The following MYRF variants were observed in gnomAD, a reference collection of about 807,000 sequenced individuals.
MYRF encodes the protein myelin regulatory factor, also known as myelin gene regulatory factor.
MYRF carries 16 observed loss-of-function variants against 126.3 expected under a neutral mutation model. The observed-to-expected ratio is 0.13, with a 90% CI of 0.09 to 0.19. MYRF has a LOEUF of 0.19. Among genes scored for constraint, MYRF ranks in the 10% least tolerant of loss-of-function variants. The pLI is 1.00. For missense variants in MYRF, 1,104 were observed against 1,547.0 expected (o/e 0.71, Z 4.80); for synonymous variants, 608 against 635.3 (o/e 0.96, Z 0.65).
Position 61,788,194 on chromosome 11 carries a change from C to T in MYRF, c.*2051C>T. On this transcript the variant is annotated 3_prime_UTR_variant, in exon 27 of 27. Coordinates refer to ENST00000278836, the MANE Select transcript of MYRF (RefSeq NM_001127392.3). ...TCCAGCAGGTCATCCCTCCCTTCTT[C>T]TCTCTCCTTTGGCGTTTGTTCCTGT... 6.5e-6 allele frequency: 1 copy of T among 152,842 alleles called. No homozygotes were observed. Among genetic ancestry groups the T allele is most frequent in the East Asian group, 1.9e-4 (1 of 5,332 alleles). 9.5% of individuals were successfully genotyped at this position (152,842 alleles called of 1,614,324 possible).
chr11:61,778,350 A>G lies in MYRF; in HGVS notation c.1904-30A>G. 2 of 1,348,566 alleles carry G rather than the reference A, an allele frequency of 1.5e-6. No homozygotes were observed. Among genetic ancestry groups the G allele is most frequent in the Non-Finnish European group, 2.1e-6 (2 of 939,044 alleles). 83.5% of individuals were successfully genotyped at this position (1,348,566 alleles called of 1,614,324 possible). ...GTGAGTAGCCCTTTACCACCCCCCC[A>G]CCCATCTTTGGCTTGTCCCCTGCCC... is the stretch of plus-strand genomic sequence containing the variant. On this transcript the variant is annotated intron_variant, in intron 13 of 26. Coordinates refer to ENST00000278836, the MANE Select transcript of MYRF (RefSeq NM_001127392.3). This position sits in a 1 kb window ranked among gnomAD's most constrained non-coding sequence, Gnocchi z 4.6.
chr11:61,762,573 C>T (rs759549320), intron 1 of MYRF, among the ~76,000 whole-genome samples: 2 of 152,180 alleles, frequency 1.3e-5, no homozygotes, highest in Non-Finnish European at 2.9e-5. Flanking sequence ...GAGAGTGTGC[C>T]CATGGGACCC....
rs1038799323 is a variant in MYRF at position 61,761,928 on chromosome 11, G to A, written c.47-3697G>A. Among the ~76,000 whole-genome samples, 7 of 152,278 alleles carry A rather than the reference G, an allele frequency of 4.6e-5. No homozygotes were observed. The East Asian group carries it at 9.6e-4, about 21-fold the overall frequency. On this transcript the variant is annotated intron_variant, in intron 1 of 26. Transcript: ENST00000278836. The stretch of plus-strand genomic sequence containing the variant: ...GGCGAGTGAGCTGTGGGTGGTGGGC[G>A]GGTGGTGGACAGACACTCATCCTGC...
chr11:61,765,874 A>G (rs916596278), intron 2 of MYRF, 84 bp from the exon 3 acceptor site: 2 of 1,451,626 alleles, frequency 1.4e-6, no homozygotes, highest in Non-Finnish European at 1.8e-6. Flanking sequence ...CGAAATCTCC[A>G]TAGTTCCCTG....
Position 61,771,519 on chromosome 11 carries a change from A to G in MYRF, c.760A>G (p.Lys254Glu). The part of the protein sequence containing the change: ...HGAELPTHPS[K>E]KRKHSESPPS... ...CCCCAGGCTCCCTACACACCCCTCC[A>G]AGAAGAGGAAGCACTCTGAATCCCC... Residue 254 changes from lysine to glutamate, a missense_variant, in exon 6 of 27, where the codon AAG becomes GAG. Physicochemically the swap from Lys to Glu is moderately conservative, Grantham distance 56. This residue lies in a region of MYRF where 368 missense variants were observed against 403.9 expected (regional missense o/e 0.91). Transcript: ENST00000278836. 6.2e-7 allele frequency: 1 copy of G among 1,613,526 alleles called. No homozygotes were observed. The highest frequency in any genetic ancestry group is 8.5e-7 in the Non-Finnish European group (1 of 1,179,742).
intron 22 of MYRF, chr11:61,782,031 ATTG>A (rs770149260): frequency 3.7e-5 from 20 of 539,660 alleles, no homozygotes; most frequent in African/African-American, 5.8e-5. Context: ...CAAGAAAGGA[ATTG>A]TTGTTCCTAT....
intron 7 of MYRF, among the ~76,000 whole-genome samples, chr11:61,773,277 C>T (rs892436013): frequency 1.3e-5 from 2 of 152,150 alleles, no homozygotes; most frequent in Non-Finnish European, 1.5e-5. Flanking sequence ...CGTGAGCCAC[C>T]GCACCTGGCC....
rs772197423 is a variant in MYRF at position 61,766,172 on chromosome 11, G to A, written c.349G>A (p.Gly117Ser). 1.9e-6 allele frequency: 3 copies of A among 1,611,946 alleles called. No homozygotes were observed. The East Asian group carries it at 6.7e-5, about 36-fold the overall frequency. Residue 117 changes from glycine (G) to serine (S), a missense_variant, in exon 3 of 27, where the codon GGC becomes AGC. Physicochemically the swap from Gly to Ser is moderately conservative, Grantham distance 56. Coordinates refer to ENST00000278836, the MANE Select transcript of MYRF (RefSeq NM_001127392.3). Reference sequence around the variant, plus strand: ...CGCTGCCCCCAAGCCCTTCCCGGGGGGCACCGGGCCCCCCATCAAGGCTGA... The same window carrying A: ...CGCTGCCCCCAAGCCCTTCCCGGGGAGCACCGGGCCCCCCATCAAGGCTGA... ...MGAAPKPFPG[G>S]TGPPIKAEPK...
At chr11:61,780,936 G>A (rs1258837730) in intron 19 of MYRF, 24 bp from the exon 20 acceptor site, 2 of 1,608,196 alleles carry the variant, frequency 1.2e-6, no homozygotes, top group Non-Finnish European at 1.7e-6. Context: ...GCCCCTCTGA[G>A]CTCAGCCCAT....
chr11:61,760,613 A>G (rs992363373), intron 1 of MYRF, among the ~76,000 whole-genome samples: 4 of 152,072 alleles, frequency 2.6e-5, no homozygotes, highest in African/African-American at 9.7e-5. Flanking sequence ...GGGAGAGGGG[A>G]CAGCCTGGGC....
Position 61,778,589 on chromosome 11 carries a change from A to C in MYRF, c.2013+100A>C. On this transcript the variant is annotated intron_variant, in intron 14 of 26. Transcript: ENST00000278836. The surrounding 1 kb of genome is among the most constrained non-coding windows in gnomAD (Gnocchi z 4.6). ...AGATACTGGGGGCACTGCAAAGCAG[A>C]GGCAGGAGCACCCTCGGCTCTCATG... 1 of 874,124 alleles carries C rather than the reference A, an allele frequency of 1.1e-6. No individual in the cohort carries two copies. Among genetic ancestry groups the C allele is most frequent in the Non-Finnish European group, 1.9e-6 (1 of 519,372 alleles). The allele number at this position is 874,124 out of a possible 1,614,324, so 54.1% of individuals were successfully genotyped here. A position where few individuals can be genotyped will look rare whatever the true frequency, so the allele number is the denominator to read the frequency against.
intron 1 of MYRF, chr11:61,755,617 T>A: frequency 1.2e-6 from 1 of 806,410 alleles, no homozygotes; most frequent in Non-Finnish European, 2.1e-6. Context: ...TTGCCCTCTT[T>A]AAGTCCTTTT....
Position 61,776,526 on chromosome 11 carries a change from C to T in MYRF, c.1499+94C>T, listed in dbSNP as rs368504900. 8.2e-3 allele frequency: 8,648 copies of T among 1,050,646 alleles called. 603 individuals are homozygous for T. In the South Asian group the frequency reaches 0.12, roughly 15 times the overall value. The allele number at this position is 1,050,646 out of a possible 1,614,324, so 65.1% of individuals were successfully genotyped here. On this transcript the variant is annotated intron_variant, in intron 10 of 26. Coordinates refer to ENST00000278836, the MANE Select transcript of MYRF (RefSeq NM_001127392.3). The surrounding 1 kb of genome is among the most constrained non-coding windows in gnomAD (Gnocchi z 4.3). ...CACACCAGGCACAGAGTCCTACAGG[C>T]TGAGCCATTTCACAGATGAGAGACC...
At position 61,780,705 on chromosome 11, in the gene MYRF, C is replaced by G. The variant is rs1314637400; in HGVS notation, c.2406-7C>G. ...GTCTCACCCTTTGCCTTTTTGCTGC[C>G]CCTTAGCTCTTTTGCCGTGTCCACT... On this transcript the variant is annotated splice_polypyrimidine_tract_variant and splice_region_variant and intron_variant, in intron 18 of 26. Transcript: ENST00000278836. 2.6e-6 allele frequency: 4 copies of G among 1,550,128 alleles called. No homozygotes were observed. The South Asian group carries it at 4.8e-5, about 18-fold the overall frequency.
intron 1 of MYRF, 91 bp downstream of exon 1, chr11:61,752,881 C>T (rs2065644351): frequency 2.4e-6 from 3 of 1,266,672 alleles, no homozygotes; most frequent in Admixed American, 3.3e-5. Context: ...GCTGTGTTTC[C>T]GCCTCCTCTG....
At position 61,777,699 on chromosome 11, in the gene MYRF, A is replaced by C. The variant is rs769624060; in HGVS notation, c.1792-35A>C. ...CCGGGGCCTGCTCCGGGACGGCCGC[A>C]GGAGGGGTTCATTCCCGGGCCTGGC... On this transcript the variant is annotated intron_variant, in intron 12 of 26. Coordinates refer to ENST00000278836, the MANE Select transcript of MYRF (RefSeq NM_001127392.3). The surrounding 1 kb of genome is among the most constrained non-coding windows in gnomAD (Gnocchi z 8.8). The C allele has an allele frequency of 6.5e-7, 1 of 1,537,310 alleles. No individual in the cohort carries two copies. Among genetic ancestry groups the C allele is most frequent in the South Asian group, 1.2e-5 (1 of 83,606 alleles).
intron 1 of MYRF, among the ~76,000 whole-genome samples, chr11:61,762,139 A>AT (rs1224502290): frequency 1.3e-5 from 2 of 152,164 alleles, no homozygotes; most frequent in Non-Finnish European, 2.9e-5. Flanking sequence ...ATGGAATGGC[A>AT]TGTGTGAAGG....
chr11:61,781,479 A>G, intron 21 of MYRF, 94 bp from the exon 22 acceptor site: 5 of 1,547,180 alleles, frequency 3.2e-6, no homozygotes, highest in Non-Finnish European at 4.4e-6. Flanking sequence ...CAAGAGACAC[A>G]TGGGGTTCAC....
Position 61,777,692 on chromosome 11 carries a change from C to T in MYRF, c.1792-42C>T. The T allele has an allele frequency of 6.5e-7, 1 of 1,527,862 alleles. No homozygotes were observed. The highest frequency in any genetic ancestry group is 8.9e-7 in the Non-Finnish European group (1 of 1,127,910). The allele number at this position is 1,527,862 out of a possible 1,614,324, so 94.6% of individuals were successfully genotyped here. ...CTGGGCTCCGGGGCCTGCTCCGGGA[C>T]GGCCGCAGGAGGGGTTCATTCCCGG... is the stretch of plus-strand genomic sequence containing the variant. On this transcript the variant is annotated intron_variant, in intron 12 of 26. Transcript: ENST00000278836. This position sits in a 1 kb window ranked among gnomAD's most constrained non-coding sequence, Gnocchi z 8.8.
Sources: allele counts gnomAD v4.1 joint callset (sites outside exome capture counted in the v4.1 genomes callset), GRCh38; gene constraint gnomAD v4.1.1; regional missense constraint gnomAD v4.1.1; non-coding constraint Gnocchi (gnomAD v3.1); transcripts MANE v1.5; gene names NCBI Gene and HGNC (gene_info 2026-07-23, HGNC 2026-07-21).